MSRA: variants seen among roughly 807,000 people sequenced by gnomAD.
MSRA encodes mitochondrial peptide methionine sulfoxide reductase.
Under a neutral mutation model 31.3 loss-of-function variants are expected in MSRA, and 54 were observed. The observed-to-expected ratio is 1.73, with a 90% confidence interval of 1.39 to 2.17. MSRA has a LOEUF of 2.17. Among genes scored for constraint, MSRA ranks in the 30% most tolerant of loss-of-function variants. MSRA has a pLI of 0.00. For missense variants in MSRA, 507 were observed against 300.9 expected (o/e 1.69, Z -5.07); for synonymous variants, 169 against 116.5 (o/e 1.45, Z -2.90).
chr8:10,257,417 A>AT (rs1798241066), intron 3 of MSRA, among the ~76,000 whole-genome samples: 1 of 151,896 alleles, frequency 6.6e-6, no homozygotes, highest in Non-Finnish European at 1.5e-5. Flanking sequence ...TAGTTTATTT[A>AT]TTTTTTGAGA....
intron 3 of MSRA, among the ~76,000 whole-genome samples, chr8:10,298,104 C>T (rs1021623486): frequency 6.6e-6 from 1 of 152,160 alleles, no homozygotes; most frequent in Non-Finnish European, 1.5e-5. Context: ...CATAGGGAGA[C>T]CTTGATTTCC....
chr8:10,262,868 A>G (rs1270522060), intron 3 of MSRA, among the ~76,000 whole-genome samples: 4 of 152,210 alleles, frequency 2.6e-5, no homozygotes, highest in East Asian at 3.9e-4. Flanking sequence ...ACTTGCTTCT[A>G]TTGACCTTGT....
intron 2 of MSRA, among the ~76,000 whole-genome samples, chr8:10,215,496 C>A (rs956692506): frequency 6.6e-6 from 1 of 152,212 alleles, no homozygotes. Flanking sequence ...GTGATCAAGT[C>A]CCCGGGAGAG....
intron 5 of MSRA, among the ~76,000 whole-genome samples, chr8:10,322,080 G>A (rs1297604194): frequency 6.6e-6 from 1 of 152,152 alleles, no homozygotes; most frequent in Non-Finnish European, 1.5e-5. Context: ...ATTTATGGTG[G>A]TGGTTACACA....
intron 5 of MSRA, among the ~76,000 whole-genome samples, chr8:10,323,745 C>CGTGTGTGT (rs10643873): frequency 0.038 from 5,366 of 142,668 alleles, 173 homozygotes; most frequent in Admixed American, 0.051. Context: ...GAATTAAATA[C>CGTGTGTGT]GTGTGTGTGT....
intron 1 of MSRA, among the ~76,000 whole-genome samples, chr8:10,072,975 C>G (rs987313370): frequency 6.6e-5 from 10 of 152,164 alleles, no homozygotes; most frequent in African/African-American, 2.4e-4. Flanking sequence ...GCTGAACTCA[C>G]TTTAGTAGAA....
chr8:10,242,970 A>G (rs1036142253), intron 2 of MSRA, among the ~76,000 whole-genome samples: 6 of 151,988 alleles, frequency 3.9e-5, no homozygotes, highest in African/African-American at 1.5e-4. Flanking sequence ...CCTCCTCCTC[A>G]TGGGGTCATT....
intron 1 of MSRA, among the ~76,000 whole-genome samples, chr8:10,099,528 G>C (rs1799398507): frequency 6.6e-6 from 1 of 152,352 alleles, no homozygotes; most frequent in East Asian, 1.9e-4. Flanking sequence ...TGGGCGCAGG[G>C]ACTGGTACAC....
intron 3 of MSRA, among the ~76,000 whole-genome samples, chr8:10,286,287 G>A (rs1016109606): frequency 2.6e-5 from 4 of 152,176 alleles, no homozygotes; most frequent in Admixed American, 6.6e-5. Flanking sequence ...TGTGTTGTGG[G>A]AGGGACCTGG....
chr8:10,390,721 AG>A (rs1168251231), intron 5 of MSRA, among the ~76,000 whole-genome samples: 5 of 152,120 alleles, frequency 3.3e-5, no homozygotes, highest in African/African-American at 1.2e-4. Context: ...AACCCTGATG[AG>A]GGGATGGGCA....
At chr8:10,154,527 G>A (rs956604388) in intron 1 of MSRA, among the ~76,000 whole-genome samples, 4 of 151,912 alleles carry the variant, frequency 2.6e-5, no homozygotes, top group Non-Finnish European at 5.9e-5. Context: ...ACAGGCACCC[G>A]CCACCACGCC....
At chr8:10,401,555 C>T (rs893457440) in intron 5 of MSRA, among the ~76,000 whole-genome samples, 1 of 152,180 alleles carries the variant, frequency 6.6e-6, no homozygotes, top group Non-Finnish European at 1.5e-5. Flanking sequence ...AGCAATCTCA[C>T]GCCTATGTAT....
rs1801410545 is a variant in MSRA at position 10,311,129 on chromosome 8, C to A, written c.437-8754C>A. On this transcript the variant is annotated intron_variant, in intron 4 of 5. Coordinates refer to ENST00000317173, the MANE Select transcript of MSRA (RefSeq NM_012331.5). The stretch of plus-strand genomic sequence containing the variant: ...GTCACAGAAAAATCAGAGCTGGTAA[C>A]ACTGGCAGGAACTAGGATTTCTAGG... Among the ~76,000 whole-genome samples the A allele has an allele frequency of 2.0e-5, 3 of 152,144 alleles. No individual in the cohort carries two copies. In the South Asian group the frequency reaches 6.2e-4, roughly 31 times the overall value.
intron 1 of MSRA, among the ~76,000 whole-genome samples, chr8:10,074,841 C>T (rs1797925855): frequency 6.6e-6 from 1 of 151,864 alleles, no homozygotes; most frequent in Admixed American, 6.6e-5. Flanking sequence ...AGAGATTACC[C>T]AGAGACGGGG....
At chr8:10,112,947 G>T (rs938958924) in intron 1 of MSRA, among the ~76,000 whole-genome samples, 5 of 152,032 alleles carry the variant, frequency 3.3e-5, no homozygotes, top group African/African-American at 1.2e-4. Flanking sequence ...GGTCATTCCT[G>T]ACCACCCCGT....
chr8:10,211,830 G>T lies in MSRA; in HGVS notation c.211+3929G>T, dbSNP rs905623095. 1.1e-4 allele frequency among the ~76,000 whole-genome samples: 16 copies of T among 152,214 alleles called. No homozygotes were observed. In the East Asian group the frequency reaches 2.9e-3, roughly 28 times the overall value. On this transcript the variant is annotated intron_variant, in intron 2 of 5. Transcript: ENST00000317173. ...ACGGTCCACTCTGTCCACGTGGAGG[G>T]CCGGGTTCCAGCCTCTGCAGAAGTG...
At chr8:10,063,621 C>T (rs1452469614) in intron 1 of MSRA, among the ~76,000 whole-genome samples, 1 of 152,172 alleles carries the variant, frequency 6.6e-6, no homozygotes, top group Non-Finnish European at 1.5e-5. Flanking sequence ...GAGGGTGGAA[C>T]ACGCATGAGT....
chr8:10,093,453 A>G (rs1032396192), intron 1 of MSRA, among the ~76,000 whole-genome samples: 1 of 152,100 alleles, frequency 6.6e-6, no homozygotes, highest in Non-Finnish European at 1.5e-5. Context: ...TTGCTCCTAT[A>G]TAGCTCTGTT....
intron 3 of MSRA, among the ~76,000 whole-genome samples, chr8:10,298,619 A>G (rs1800671636): frequency 8.8e-6 from 1 of 113,714 alleles, no homozygotes; most frequent in South Asian, 3.4e-4. Flanking sequence ...TCATTTTATC[A>G]AAATAGGAAA....
Sources: allele counts gnomAD v4.1 joint callset (sites outside exome capture counted in the v4.1 genomes callset), GRCh38; gene constraint gnomAD v4.1.1; transcripts MANE v1.5; gene names NCBI Gene and HGNC (gene_info 2026-07-23, HGNC 2026-07-21).